Variants in DNER observed in about 807,000 individuals in gnomAD.
The protein encoded by DNER is delta/notch like EGF repeat containing.
Under a neutral mutation model 78.2 loss-of-function variants are expected in DNER, and 33 were observed. The ratio of observed to expected loss-of-function variants is 0.42; its 90% confidence interval spans 0.32 to 0.56. DNER has a LOEUF of 0.56. Among genes scored for constraint, DNER ranks in the 20% least tolerant of loss-of-function variants. The pLI, the probability that DNER is intolerant of heterozygous loss-of-function variation, is 0.11. For missense variants in DNER, 918 were observed against 975.3 expected (o/e 0.94, Z 0.78); for synonymous variants, 417 against 384.8 (o/e 1.08, Z -0.98).
intron 1 of DNER, among the ~76,000 whole-genome samples, chr2:229,691,805 C>T (rs1699578223): frequency 1.3e-5 from 2 of 152,050 alleles, no homozygotes; most frequent in South Asian, 2.1e-4. Flanking sequence ...ATGACTGAGG[C>T]CTGACCAATC....
intron 8 of DNER, among the ~76,000 whole-genome samples, chr2:229,438,258 T>C (rs1242322975): frequency 2.0e-5 from 3 of 152,210 alleles, no homozygotes; most frequent in Non-Finnish European, 2.9e-5. Context: ...CATTGAACTA[T>C]AATGAAGGCC....
At chr2:229,461,816 T>C (rs192589596) in intron 7 of DNER, among the ~76,000 whole-genome samples, 1 of 152,144 alleles carries the variant, frequency 6.6e-6, no homozygotes, top group East Asian at 1.9e-4. Flanking sequence ...TGCAATAGTG[T>C]AATTCAAATG....
intron 1 of DNER, among the ~76,000 whole-genome samples, chr2:229,674,754 C>T (rs1041483716): frequency 4.6e-5 from 7 of 152,316 alleles, no homozygotes; most frequent in African/African-American, 1.7e-4. Context: ...AGGATAACCC[C>T]TGCTTTCACA....
intron 4 of DNER, among the ~76,000 whole-genome samples, chr2:229,574,093 A>G (rs867746111): frequency 2.0e-5 from 3 of 152,222 alleles, no homozygotes; most frequent in Admixed American, 1.3e-4. Context: ...CTGAAGGTTG[A>G]TGGAAGTGGA....
chr2:229,388,514 C>A (rs1437085837), intron 10 of DNER, 118 bp from the exon 11 acceptor site: 7 of 1,223,270 alleles, frequency 5.7e-6, no homozygotes, highest in Non-Finnish European at 7.4e-6. Flanking sequence ...TAGAGCCCAA[C>A]CTGCTGTTTG....
intron 7 of DNER, among the ~76,000 whole-genome samples, chr2:229,451,512 C>T (rs747205764): frequency 6.6e-6 from 1 of 152,152 alleles, no homozygotes; most frequent in African/African-American, 2.4e-5. Flanking sequence ...CCACTGGAGG[C>T]TGATTTGCAT....
intron 1 of DNER, among the ~76,000 whole-genome samples, chr2:229,688,237 T>TAAC (rs1699517918): frequency 6.6e-6 from 1 of 152,160 alleles, no homozygotes. Context: ...TTCCCACAAG[T>TAAC]AACACATGGA....
At chr2:229,505,368 A>G (rs1001620805) in intron 6 of DNER, among the ~76,000 whole-genome samples, 30 of 152,190 alleles carry the variant, frequency 2.0e-4, no homozygotes, top group African/African-American at 7.2e-4. Flanking sequence ...TAGATGAGCA[A>G]AGAGGGAGTT....
intron 8 of DNER, among the ~76,000 whole-genome samples, chr2:229,430,373 T>G (rs962248807): frequency 2.0e-5 from 3 of 152,178 alleles, no homozygotes; most frequent in Non-Finnish European, 4.4e-5. Flanking sequence ...TCTAGCTGTG[T>G]CTGTGAGTCT....
intron 7 of DNER, among the ~76,000 whole-genome samples, chr2:229,466,742 C>T (rs1694814933): frequency 6.6e-6 from 1 of 152,104 alleles, no homozygotes; most frequent in Non-Finnish European, 1.5e-5. Flanking sequence ...ATGATAGAAG[C>T]AATCATTAAT....
intron 4 of DNER, among the ~76,000 whole-genome samples, chr2:229,582,729 T>G (rs990160511): frequency 6.6e-6 from 1 of 152,076 alleles, no homozygotes; most frequent in Non-Finnish European, 1.5e-5. Context: ...AAGCTCCGCC[T>G]CCCGGGTTCA....
intron 6 of DNER, among the ~76,000 whole-genome samples, chr2:229,499,434 G>A (rs1373354089): frequency 8.1e-6 from 1 of 123,086 alleles, no homozygotes; most frequent in African/African-American, 3.1e-5. Context: ...AACACAGCAA[G>A]ACTCCAACTC....
chr2:229,370,683 C>T (rs1242893136), intron 11 of DNER, among the ~76,000 whole-genome samples: 1 of 152,192 alleles, frequency 6.6e-6, no homozygotes, highest in Non-Finnish European at 1.5e-5. Context: ...CTAAAAAATT[C>T]AGTTGCAGGC....
chr2:229,443,314 G>T (rs771794091), intron 8 of DNER, among the ~76,000 whole-genome samples: 1 of 152,122 alleles, frequency 6.6e-6, no homozygotes, highest in Non-Finnish European at 1.5e-5. Context: ...GGCCACCATT[G>T]TATTGAGAAC....
intron 1 of DNER, among the ~76,000 whole-genome samples, chr2:229,625,477 A>G (rs1242437596): frequency 6.6e-6 from 1 of 152,166 alleles, no homozygotes; most frequent in Non-Finnish European, 1.5e-5. Flanking sequence ...ATGGAGCATG[A>G]AGGCCCGGTC....
intron 11 of DNER, among the ~76,000 whole-genome samples, chr2:229,387,301 G>C (rs1426075682): frequency 2.0e-5 from 3 of 151,992 alleles, no homozygotes; most frequent in African/African-American, 7.3e-5. Context: ...ATAGGGAGAG[G>C]AACATCACAC....
chr2:229,627,992 C>G (rs1448108076), intron 1 of DNER, among the ~76,000 whole-genome samples: 1 of 152,226 alleles, frequency 6.6e-6, no homozygotes, highest in Non-Finnish European at 1.5e-5. Flanking sequence ...CTTTTCTCCC[C>G]TCTCTTACAC....
At chr2:229,600,106 G>T (rs1250747214) in intron 1 of DNER, among the ~76,000 whole-genome samples, 2 of 152,198 alleles carry the variant, frequency 1.3e-5, no homozygotes, top group African/African-American at 4.8e-5. Flanking sequence ...TTTCCCAGAT[G>T]ATTCTGATGC....
chr2:229,509,697 C>A (rs182643382), intron 6 of DNER, among the ~76,000 whole-genome samples: 1 of 152,198 alleles, frequency 6.6e-6, no homozygotes, highest in Admixed American at 6.6e-5. Context: ...GCCTGTAATC[C>A]CTGCTACTTA....
Sources: allele counts gnomAD v4.1 joint callset (sites outside exome capture counted in the v4.1 genomes callset), GRCh38; gene constraint gnomAD v4.1.1; transcripts MANE v1.5; gene names NCBI Gene and HGNC (gene_info 2026-07-23, HGNC 2026-07-21).